The following PARK7 variants were observed in gnomAD, a reference collection of about 807,000 sequenced individuals.
PARK7 encodes the protein Parkinsonism associated deglycase.
A neutral mutation model predicts 20.5 loss-of-function variants in PARK7; 14 were observed. That is an observed-to-expected ratio of 0.68 (90% CI 0.45 to 1.07). The LOEUF (loss-of-function observed/expected upper bound fraction) is 1.07, where lower values mean the gene tolerates loss of function less well. Ranked by LOEUF, PARK7 falls within the 50% of genes least tolerant of loss-of-function variation. The pLI, the probability that PARK7 is intolerant of heterozygous loss-of-function variation, is 0.00. For synonymous variants in PARK7, 98 were observed against 84.3 expected, an observed-to-expected ratio of 1.16 and a Z score of -0.89; for missense variants, 234 against 238.1, an observed-to-expected ratio of 0.98 and a Z score of 0.11.
intron 6 of PARK7, among the ~76,000 whole-genome samples, chr1:7,978,953 C>G (rs373202415): frequency 6.7e-6 from 1 of 150,328 alleles, no homozygotes; most frequent in Non-Finnish European, 1.5e-5. Context: ...ATGTATTGTT[C>G]TGCAGCTTGC....
Position 7,974,405 on chromosome 1 carries a change from G to A in PARK7, c.323-3247G>A, listed in dbSNP as rs554683957. Among the ~76,000 whole-genome samples the A allele has an allele frequency of 1.2e-4, 18 of 152,096 alleles. No homozygotes were observed. The East Asian group carries it at 1.9e-3, about 16-fold the overall frequency. On this transcript the variant is annotated intron_variant, in intron 5 of 6. Transcript: ENST00000338639. ...AGCACTTTGGGAGGCCGAGGCGTGC[G>A]GATCACAAGGTCAGGAGATCGAGAC...
At chr1:7,963,757 CCTT>C (rs2151427897) in intron 2 of PARK7, among the ~76,000 whole-genome samples, 1 of 151,792 alleles carries the variant, frequency 6.6e-6, no homozygotes, top group African/African-American at 2.4e-5. Context: ...ATCCTATGCC[CCTT>C]CTTCCTTCCT....
At chr1:7,976,904 T>G (rs1349520606) in intron 5 of PARK7, among the ~76,000 whole-genome samples, 3 of 152,068 alleles carry the variant, frequency 2.0e-5, no homozygotes, top group Admixed American at 6.6e-5. Flanking sequence ...GTATTTTTAG[T>G]AGAGACAGGG....
chr1:7,964,982 CT>C (rs1191533046), intron 2 of PARK7, among the ~76,000 whole-genome samples: 1 of 152,060 alleles, frequency 6.6e-6, no homozygotes, highest in Admixed American at 6.6e-5. Context: ...CAGGGTAGAC[CT>C]AGTTATTAAA....
chr1:7,981,965 CTTTTT>C (rs71567337), intron 6 of PARK7, among the ~76,000 whole-genome samples: 2 of 84,370 alleles, frequency 2.4e-5, no homozygotes, highest in South Asian at 3.5e-4. Flanking sequence ...GCCCCCCCGC[CTTTTT>C]TTTTTTTTTT....
chr1:7,979,640 A>G (rs1437604139), intron 6 of PARK7, among the ~76,000 whole-genome samples: 1 of 152,062 alleles, frequency 6.6e-6, no homozygotes, highest in Non-Finnish European at 1.5e-5. Context: ...AGCTGGAACT[A>G]TGGGTATGAG....
intron 5 of PARK7, among the ~76,000 whole-genome samples, chr1:7,972,115 C>T (rs113097582): frequency 0.012 from 1,836 of 152,112 alleles, 34 homozygotes; most frequent in African/African-American, 0.042. Context: ...TTGATACATT[C>T]GAGTATCAGT....
At chr1:7,974,327 TAAAAA>T (rs199679855) in intron 5 of PARK7, among the ~76,000 whole-genome samples, 1 of 145,472 alleles carries the variant, frequency 6.9e-6, no homozygotes, top group Non-Finnish European at 1.5e-5. Flanking sequence ...CTTGGTCTCT[TAAAAA>T]AAAAAAGTAA....
At chr1:7,971,697 C>T (rs1051470734) in intron 5 of PARK7, 1 of 152,596 alleles carries the variant, frequency 6.6e-6, no homozygotes, top group South Asian at 2.1e-4. Flanking sequence ...CTTTGGGAGG[C>T]TGAGGCGGGC....
At chr1:7,980,009 A>T (rs1557450548) in intron 6 of PARK7, among the ~76,000 whole-genome samples, 1 of 152,004 alleles carries the variant, frequency 6.6e-6, no homozygotes, top group Non-Finnish European at 1.5e-5. Context: ...TGTACTAAAA[A>T]AATTAGCTGG....
chr1:7,970,589 A>G (rs1322853465), intron 4 of PARK7, among the ~76,000 whole-genome samples: 1 of 152,212 alleles, frequency 6.6e-6, no homozygotes, highest in Non-Finnish European at 1.5e-5. Context: ...AAAACACCCA[A>G]AACACCACAT....
rs1557444292 is a variant in PARK7 at position 7,969,341 on chromosome 1, AC to A, written c.193-3del. 6.2e-7 allele frequency: 1 copy of A among 1,610,154 alleles called. No homozygotes were observed. Among genetic ancestry groups the A allele is most frequent in the Non-Finnish European group, 8.5e-7 (1 of 1,177,128 alleles). On this transcript the variant is annotated splice_polypyrimidine_tract_variant and splice_region_variant and intron_variant, in intron 3 of 6. Transcript: ENST00000338639. ...TGTTTTCTTTATGTTTTAAACTGTT[AC>A]AGGGACCATATGATGTGGTGGTTCT... is the stretch of plus-strand genomic sequence containing the variant.
chr1:7,975,589 G>C lies in PARK7; in HGVS notation c.323-2063G>C, dbSNP rs1315708837. The stretch of plus-strand genomic sequence containing the variant: ...GTCTCTTCTCCAGTATTCCAAATAG[G>C]GTTCTGACGCCCCAGAAAGCAGTGA... On this transcript the variant is annotated intron_variant, in intron 5 of 6. Transcript: ENST00000338639. 3.9e-5 allele frequency among the ~76,000 whole-genome samples: 6 copies of C among 152,144 alleles called. No homozygotes were observed. In the South Asian group the frequency reaches 1.2e-3, roughly 31 times the overall value.
In PARK7 at chr1:7,970,878, G is replaced by C. The variant is rs1193831133; in HGVS notation, c.253-16G>C. 1.2e-6 allele frequency: 2 copies of C among 1,613,944 alleles called. No homozygotes were observed. The highest frequency in any genetic ancestry group is 1.7e-6 in the Non-Finnish European group (2 of 1,179,908). On this transcript the variant is annotated splice_polypyrimidine_tract_variant and intron_variant, in intron 4 of 6. Coordinates refer to ENST00000338639, the MANE Select transcript of PARK7 (RefSeq NM_007262.5). ...TTAATGATAACTTTATGTATTTTTG[G>C]TTTTCTTTTCACTAGTCTGCTGCTG...
At position 7,969,265 on chromosome 1, in the gene PARK7, G is replaced by T. The variant is rs374167097; in HGVS notation, c.193-80G>T. The T allele has an allele frequency of 2.6e-6, 3 of 1,153,276 alleles. No homozygotes were observed. In the African/African-American group the frequency reaches 4.6e-5, roughly 18 times the overall value. 71.4% of individuals were successfully genotyped at this position (1,153,276 alleles called of 1,614,324 possible). ...CCTGTACTTCCCACATTTAAAATAGGAAAGTATTATTGGACTGTCAATTTA... is the reference window on the plus strand; with the variant it reads ...CCTGTACTTCCCACATTTAAAATAGTAAAGTATTATTGGACTGTCAATTTA... On this transcript the variant is annotated intron_variant, in intron 3 of 6. Transcript: ENST00000338639.
chr1:7,970,822 A>G, intron 4 of PARK7, 72 bp from the exon 5 acceptor site: 1 of 1,478,004 alleles, frequency 6.8e-7, no homozygotes, highest in Non-Finnish European at 9.4e-7. Flanking sequence ...AAATTCTTCC[A>G]AAGTTTCCTA....
intron 6 of PARK7, among the ~76,000 whole-genome samples, chr1:7,978,120 C>T (rs1640626970): frequency 6.7e-6 from 1 of 149,994 alleles, no homozygotes. Context: ...CCTCAGCCTC[C>T]TGAGTAGCTG....
intron 4 of PARK7, among the ~76,000 whole-genome samples, chr1:7,970,186 A>G (rs1239378595): frequency 2.0e-5 from 3 of 152,074 alleles, no homozygotes; most frequent in Non-Finnish European, 4.4e-5. Context: ...CAAAGCAAGA[A>G]CCTGTCTTAT....
intron 4 of PARK7, among the ~76,000 whole-genome samples, chr1:7,969,862 G>A (rs1246186214): frequency 2.0e-5 from 3 of 152,122 alleles, no homozygotes; most frequent in Non-Finnish European, 4.4e-5. Context: ...ATAGGCGTGA[G>A]CCACCACTCC....
Sources: allele counts gnomAD v4.1 joint callset (sites outside exome capture counted in the v4.1 genomes callset), GRCh38; gene constraint gnomAD v4.1.1; transcripts MANE v1.5; gene names NCBI Gene and HGNC (gene_info 2026-07-23, HGNC 2026-07-21).